Variants in CDK7 observed in about 807,000 individuals in gnomAD.
CDK7 encodes the protein cyclin-dependent kinase 7.
A neutral mutation model predicts 49.1 loss-of-function variants in CDK7; 25 were observed. The observed-to-expected ratio is 0.51, with a 90% CI of 0.37 to 0.71. The LOEUF (loss-of-function observed/expected upper bound fraction) is 0.71. Ranked by LOEUF, CDK7 falls within the 30% of genes least tolerant of loss-of-function variation. The pLI is 0.00. For missense variants in CDK7, 316 were observed against 411.7 expected, an observed-to-expected ratio of 0.77 and a Z score of 2.01; for synonymous variants, 107 against 140.0, an observed-to-expected ratio of 0.76 and a Z score of 1.67.
chr5:69,237,005 T>C (rs1400283450), intron 2 of CDK7, among the ~76,000 whole-genome samples: 1 of 129,766 alleles, frequency 7.7e-6, no homozygotes, highest in Non-Finnish European at 1.7e-5. Flanking sequence ...TTTATGTCCG[T>C]GTTTTCTGGT....
At chr5:69,254,398 T>C (rs932651645) in intron 3 of CDK7, among the ~76,000 whole-genome samples, 1 of 151,750 alleles carries the variant, frequency 6.6e-6, no homozygotes, top group Non-Finnish European at 1.5e-5. Context: ...GGCGCGTGCC[T>C]GTAATCCCTG....
chr5:69,251,011 C>T (rs1280579942), intron 2 of CDK7, among the ~76,000 whole-genome samples: 1 of 151,984 alleles, frequency 6.6e-6, no homozygotes, highest in Non-Finnish European at 1.5e-5. Context: ...CTCACTGCAG[C>T]CTCGAACTCC....
intron 2 of CDK7, among the ~76,000 whole-genome samples, chr5:69,244,231 T>G (rs1749579068): frequency 6.6e-6 from 1 of 152,232 alleles, no homozygotes; most frequent in South Asian, 2.1e-4. Context: ...TCTTGATTTC[T>G]TTTTCAGATT....
chr5:69,249,616 G>A (rs909179568), intron 2 of CDK7, among the ~76,000 whole-genome samples: 2 of 152,116 alleles, frequency 1.3e-5, no homozygotes, highest in African/African-American at 4.8e-5. Flanking sequence ...GGGAGGCCAC[G>A]GTGGGTGGAT....
chr5:69,235,133 T>A, intron 1 of CDK7, 92 bp downstream of exon 1: 2 of 1,234,868 alleles, frequency 1.6e-6, no homozygotes, highest in Non-Finnish European at 1.2e-6. Context: ...GCCAGAGGTC[T>A]GGCTTGGCTG....
At chr5:69,268,639 T>G (rs1266612469) in intron 8 of CDK7, among the ~76,000 whole-genome samples, 1 of 142,418 alleles carries the variant, frequency 7.0e-6, no homozygotes, top group Non-Finnish European at 1.5e-5. Flanking sequence ...AATCACAATG[T>G]CAGGAGATCG....
chr5:69,243,081 G>A (rs145534209), intron 2 of CDK7, among the ~76,000 whole-genome samples: 64 of 152,096 alleles, frequency 4.2e-4, no homozygotes, highest in Non-Finnish European at 7.9e-4. Context: ...GCTATATCAC[G>A]TTTTACTCAC....
rs369185539 is a variant in CDK7, at chr5:69,235,153, G to C, written c.66+112G>C. On this transcript the variant is annotated intron_variant, in intron 1 of 11. Coordinates refer to ENST00000256443, the MANE Select transcript of CDK7 (RefSeq NM_001799.4). ...AGGTCTGGCTTGGCTGCTCGTTCTCGTTGGGGGAAACCGTCCAGACGCACT... is the reference window on the plus strand; with the variant it reads ...AGGTCTGGCTTGGCTGCTCGTTCTCCTTGGGGGAAACCGTCCAGACGCACT... 3.2e-4 allele frequency: 345 copies of C among 1,070,188 alleles called. No individual in the cohort carries two copies. In the African/African-American group the frequency reaches 5.0e-3, roughly 16 times the overall value. 66.3% of individuals were successfully genotyped at this position (1,070,188 alleles called of 1,614,324 possible). A position where few individuals can be genotyped will look rare whatever the true frequency, so the allele number is the denominator to read the frequency against.
intron 9 of CDK7, among the ~76,000 whole-genome samples, chr5:69,270,010 TC>T (rs1327508103): frequency 1.1e-4 from 16 of 147,012 alleles, no homozygotes; most frequent in African/African-American, 4.0e-4. Flanking sequence ...GGCGGGCAGA[TC>T]ATTTGAGGCC....
intron 8 of CDK7, among the ~76,000 whole-genome samples, chr5:69,267,392 A>G (rs1751235722): frequency 7.3e-6 from 1 of 137,760 alleles, no homozygotes; most frequent in Non-Finnish European, 1.5e-5. Flanking sequence ...TCTGCCTCCC[A>G]GGCTGAAGTG....
chr5:69,270,230 G>A (rs184271337), intron 9 of CDK7, among the ~76,000 whole-genome samples: 1 of 152,166 alleles, frequency 6.6e-6, no homozygotes, highest in African/African-American at 2.4e-5. Flanking sequence ...GAGCCCAGGA[G>A]TTTAAGACCA....
chr5:69,260,014 C>A, intron 7 of CDK7, 78 bp downstream of exon 7: 1 of 909,134 alleles, frequency 1.1e-6, no homozygotes, highest in Non-Finnish European at 1.8e-6. Context: ...ACTATCTTGG[C>A]AGAGTTAAGG....
At chr5:69,272,224 T>C (rs1580347967) in intron 9 of CDK7, among the ~76,000 whole-genome samples, 1 of 152,336 alleles carries the variant, frequency 6.6e-6, no homozygotes, top group South Asian at 2.1e-4. Flanking sequence ...CTAAGTCCTT[T>C]ATTGAGTTCC....
chr5:69,266,156 C>T (rs569306972), intron 8 of CDK7, among the ~76,000 whole-genome samples: 2 of 152,274 alleles, frequency 1.3e-5, no homozygotes, highest in African/African-American at 2.4e-5. Flanking sequence ...CTTTAGAGGG[C>T]GCACTTGCGG....
intron 2 of CDK7, among the ~76,000 whole-genome samples, chr5:69,238,867 C>T (rs932482346): frequency 6.6e-6 from 1 of 151,876 alleles, no homozygotes; most frequent in Admixed American, 6.6e-5. Flanking sequence ...CAGCCTGCAA[C>T]TTGTTATTCT....
intron 2 of CDK7, among the ~76,000 whole-genome samples, chr5:69,241,446 G>A (rs2972384): frequency 0.28 from 42,260 of 150,398 alleles, 6,485 homozygotes; most frequent in East Asian, 0.4. Context: ...TCAGCCTCCT[G>A]AGTAGCTGGG....
intron 9 of CDK7, among the ~76,000 whole-genome samples, chr5:69,272,560 A>G (rs754648034): frequency 2.3e-4 from 35 of 152,248 alleles, no homozygotes; most frequent in Non-Finnish European, 4.0e-4. Context: ...GATGACTTTC[A>G]TCAGCATTGT....
At position 69,271,759 on chromosome 5, in the gene CDK7, A is replaced by G. The variant is rs141477148; in HGVS notation, c.715-1133A>G. 5.3e-3 allele frequency among the ~76,000 whole-genome samples: 805 copies of G among 151,638 alleles called. 6 individuals carry two copies. Among genetic ancestry groups the G allele is most frequent in the Non-Finnish European group, 9.8e-3 (667 of 67,898 alleles). On this transcript the variant is annotated intron_variant, in intron 9 of 11. Coordinates refer to ENST00000256443, the MANE Select transcript of CDK7 (RefSeq NM_001799.4). ...ACTCGTGAGCTCAAACGATTTGCCC[A>G]CCTTGGCCTCCCAAAGTGCTGGGAT... is the stretch of plus-strand genomic sequence containing the variant.
At chr5:69,273,915 A>G (rs1191524058) in intron 10 of CDK7, among the ~76,000 whole-genome samples, 2 of 152,186 alleles carry the variant, frequency 1.3e-5, no homozygotes, top group African/African-American at 4.8e-5. Flanking sequence ...ATAGATAGAT[A>G]TAGATGGATA....
Sources: gnomAD v4.1 joint callset for allele counts (sites outside exome capture counted in the v4.1 genomes callset) on GRCh38, gnomAD v4.1.1 for gene constraint, MANE v1.5 for transcripts, NCBI Gene and HGNC (gene_info 2026-07-23, HGNC 2026-07-21) for gene names.